Variants in ZNF385D observed in about 807,000 individuals in gnomAD.
ZNF385D encodes zinc finger protein 385D.
ZNF385D carries 15 observed loss-of-function variants against 35.8 expected under a neutral mutation model. The ratio of observed to expected loss-of-function variants is 0.42; its 90% CI spans 0.28 to 0.64. The LOEUF (loss-of-function observed/expected upper bound fraction) is 0.64, where lower values mean the gene tolerates loss of function less well. ZNF385D is among the 30% of genes least tolerant of loss of function. The pLI is 0.23. For missense variants in ZNF385D, 474 were observed against 494.6 expected (o/e 0.96, Z 0.39); for synonymous variants, 212 against 186.8 (o/e 1.13, Z -1.10).
chr3:21,725,657 CA>C (rs2068728183), intron 1 of ZNF385D, among the ~76,000 whole-genome samples: 1 of 152,138 alleles, frequency 6.6e-6, no homozygotes, highest in South Asian at 2.1e-4. Context: ...CTGCATAGAA[CA>C]ATAACAAGTT....
At chr3:22,042,979 G>T (rs1393113876) in intron 3 of ZNF385D, among the ~76,000 whole-genome samples, 2 of 152,000 alleles carry the variant, frequency 1.3e-5, no homozygotes, top group Non-Finnish European at 1.5e-5. Context: ...TCTCATTTTT[G>T]AATCTTATTA....
intron 3 of ZNF385D, among the ~76,000 whole-genome samples, chr3:21,912,473 C>T (rs259544): frequency 0.29 from 43,729 of 151,748 alleles, 6,938 homozygotes; most frequent in South Asian, 0.41. Flanking sequence ...GTTCTTTCCA[C>T]GGATACACAG....
intron 2 of ZNF385D, among the ~76,000 whole-genome samples, chr3:22,245,454 T>G (rs1699723618): frequency 1.4e-5 from 2 of 143,710 alleles, no homozygotes; most frequent in South Asian, 2.2e-4. Context: ...TCAGCTATTA[T>G]GACTTCTCAA....
chr3:22,354,962 C>T (rs1382297503), intron 2 of ZNF385D, among the ~76,000 whole-genome samples: 7 of 152,044 alleles, frequency 4.6e-5, no homozygotes, highest in African/African-American at 1.4e-4. Context: ...ACATCACCCT[C>T]ACTGCAGAAA....
At chr3:22,296,465 T>C (rs774076884) in intron 2 of ZNF385D, among the ~76,000 whole-genome samples, 4 of 152,116 alleles carry the variant, frequency 2.6e-5, no homozygotes, top group Non-Finnish European at 5.9e-5. Flanking sequence ...AGGAAGGGTA[T>C]GTCTAATGCC....
At chr3:22,046,510 A>C (rs920851448) in intron 3 of ZNF385D, among the ~76,000 whole-genome samples, 2 of 152,200 alleles carry the variant, frequency 1.3e-5, no homozygotes, top group Non-Finnish European at 2.9e-5. Flanking sequence ...CATGTGTGCT[A>C]AGTGGAATGT....
intron 1 of ZNF385D, among the ~76,000 whole-genome samples, chr3:21,705,192 C>G (rs1236748840): frequency 6.6e-6 from 1 of 152,166 alleles, no homozygotes; most frequent in Non-Finnish European, 1.5e-5. Flanking sequence ...AATGAAATAT[C>G]TGCAAGTACA....
At chr3:22,104,781 T>A (rs749439481) in intron 3 of ZNF385D, among the ~76,000 whole-genome samples, 3 of 152,148 alleles carry the variant, frequency 2.0e-5, no homozygotes, top group Non-Finnish European at 2.9e-5. Context: ...ATGAATCATA[T>A]TCTGTGCCAC....
intron 2 of ZNF385D, among the ~76,000 whole-genome samples, chr3:22,368,688 A>G (rs541410026): frequency 6.6e-6 from 1 of 152,232 alleles, no homozygotes; most frequent in East Asian, 1.9e-4. Context: ...TCCTCATCTT[A>G]TAAGAGCACT....
chr3:21,743,829 T>C (rs552629787), intron 1 of ZNF385D, among the ~76,000 whole-genome samples: 2 of 152,364 alleles, frequency 1.3e-5, no homozygotes, highest in East Asian at 3.9e-4. Context: ...ATTTTCTGAC[T>C]ATTAATGATT....
At chr3:22,069,993 T>G (rs921783312) in intron 3 of ZNF385D, among the ~76,000 whole-genome samples, 2 of 152,224 alleles carry the variant, frequency 1.3e-5, no homozygotes, top group African/African-American at 4.8e-5. Flanking sequence ...AGCTGTTTGT[T>G]ACTTTACTAT....
rs950055699 is a variant in ZNF385D at position 22,180,284 on chromosome 3, G to A, written c.107-11249C>T. On this transcript the variant is annotated intron_variant, in intron 2 of 5. Transcript: ENST00000494108. ...ACCAATAACAGGCTCTGAAATTGAGGCAATAATTAATAGCTTACTAACCAA... is the reference window on the plus strand; with the variant it reads ...ACCAATAACAGGCTCTGAAATTGAGACAATAATTAATAGCTTACTAACCAA... 2.6e-5 allele frequency among the ~76,000 whole-genome samples: 4 copies of A among 152,128 alleles called. 1 individual carries two copies. The highest frequency in any genetic ancestry group is 4.1e-4 in the South Asian group (2 of 4,820).
At chr3:21,928,308 G>A (rs1700840175) in intron 3 of ZNF385D, among the ~76,000 whole-genome samples, 1 of 146,406 alleles carries the variant, frequency 6.8e-6, no homozygotes, top group East Asian at 2.0e-4. Flanking sequence ...GAGGAAGGAA[G>A]GTAGGAGGGA....
chr3:21,905,445 T>G (rs1674628520), intron 3 of ZNF385D, among the ~76,000 whole-genome samples: 1 of 151,562 alleles, frequency 6.6e-6, no homozygotes, highest in South Asian at 2.1e-4. Flanking sequence ...CATCAGGCAA[T>G]CATTCTCAAT....
intron 4 of ZNF385D, among the ~76,000 whole-genome samples, chr3:21,468,221 G>A (rs1312381414): frequency 1.3e-5 from 2 of 151,638 alleles, no homozygotes; most frequent in Non-Finnish European, 2.9e-5. Context: ...TGGCCAACAT[G>A]GTGAAACCCA....
At chr3:22,354,324 A>T (rs982345949) in intron 2 of ZNF385D, among the ~76,000 whole-genome samples, 1 of 152,144 alleles carries the variant, frequency 6.6e-6, no homozygotes, top group Admixed American at 6.5e-5. Context: ...AGTAAGGATT[A>T]GAGTTAATGT....
At chr3:22,094,067 T>G (rs1701471869) in intron 3 of ZNF385D, among the ~76,000 whole-genome samples, 1 of 152,098 alleles carries the variant, frequency 6.6e-6, no homozygotes, top group South Asian at 2.1e-4. Context: ...TTGTCAATAT[T>G]TTTAATAAAA....
Position 22,282,645 on chromosome 3 carries a change from G to A in ZNF385D, c.106+89805C>T, listed in dbSNP as rs562572497. Among the ~76,000 whole-genome samples, 3 of 151,890 alleles carry A rather than the reference G, an allele frequency of 2.0e-5. No homozygotes were observed. In the South Asian group the frequency reaches 6.2e-4, roughly 32 times the overall value. On this transcript the variant is annotated intron_variant, in intron 2 of 5. Transcript: ENST00000494108. ...TAAATTTGTTGAGACTTGTTTTGGG[G>A]CCTATCATGTGATCTGTCTTGGAGA...
At chr3:21,788,806 T>C (rs1419831680) in intron 3 of ZNF385D, among the ~76,000 whole-genome samples, 1 of 152,178 alleles carries the variant, frequency 6.6e-6, no homozygotes, top group Non-Finnish European at 1.5e-5. Context: ...CACAGGAATC[T>C]TGGGATCCAA....
Sources: allele counts gnomAD v4.1 joint callset (sites outside exome capture counted in the v4.1 genomes callset), GRCh38; gene constraint gnomAD v4.1.1; transcripts MANE v1.5; gene names NCBI Gene and HGNC (gene_info 2026-07-23, HGNC 2026-07-21).